The following KLHL8 variants were observed in gnomAD, a reference collection of about 807,000 sequenced individuals.
KLHL8 encodes kelch like family member 8.
Under a neutral mutation model 63.5 loss-of-function variants are expected in KLHL8, and 38 were observed. The ratio of observed to expected loss-of-function variants is 0.60; its 90% confidence interval spans 0.46 to 0.78. The LOEUF is 0.78. Among genes scored for constraint, KLHL8 ranks in the 30% least tolerant of loss-of-function variants. The probability of loss-of-function intolerance (pLI) is 0.00; values close to 1 mark genes in which losing one functional copy is unlikely to be tolerated. For synonymous variants in KLHL8, 224 were observed against 254.3 expected (o/e 0.88, Z 1.13); for missense variants, 566 against 752.4 (o/e 0.75, Z 2.90).
chr4:87,209,757 G>T (rs1417752848), intron 1 of KLHL8, among the ~76,000 whole-genome samples: 1 of 151,498 alleles, frequency 6.6e-6, no homozygotes, highest in Non-Finnish European at 1.5e-5. Context: ...ACTCTTTGCA[G>T]CACAGTGACT....
chr4:87,202,009 A>G (rs1011034667), intron 1 of KLHL8, among the ~76,000 whole-genome samples: 1 of 151,964 alleles, frequency 6.6e-6, no homozygotes, highest in Non-Finnish European at 1.5e-5. Context: ...TCTGAGGCTG[A>G]GGCAGGAGAA....
chr4:87,170,250 G>A lies in KLHL8; in HGVS notation c.1378-12C>T, dbSNP rs758503587. The A allele has an allele frequency of 3.7e-6, 6 of 1,600,600 alleles. No homozygotes were observed. Among genetic ancestry groups the A allele is most frequent in the Non-Finnish European group, 3.4e-6 (4 of 1,174,008 alleles). ...GCATAAACATGGTTCTAAATGAAGA[G>A]AGTCAAACAAAACACATTAGATTTC... is the stretch of plus-strand genomic sequence containing the variant. On this transcript the variant is annotated splice_polypyrimidine_tract_variant and intron_variant, in intron 7 of 9. Transcript: ENST00000273963.
At chr4:87,182,806 G>C (rs1731104501) in intron 4 of KLHL8, among the ~76,000 whole-genome samples, 2 of 152,086 alleles carry the variant, frequency 1.3e-5, no homozygotes, top group South Asian at 4.1e-4. Flanking sequence ...CAAATATTTA[G>C]ATGCACAATA....
At chr4:87,183,431 T>G (rs778467944) in intron 3 of KLHL8, 42 bp from the exon 4 acceptor site, 1 of 1,414,102 alleles carries the variant, frequency 7.1e-7, no homozygotes, top group Non-Finnish European at 9.5e-7. Flanking sequence ...TTTTATATTT[T>G]CTTGGGAAAA....
At chr4:87,239,722 A>T (rs1174198749) in intron 1 of KLHL8, among the ~76,000 whole-genome samples, 1 of 152,158 alleles carries the variant, frequency 6.6e-6, no homozygotes, top group Non-Finnish European at 1.5e-5. Context: ...TTGGGCTGAA[A>T]CTACCTACAT....
chr4:87,173,475 A>G (rs1279944640), intron 6 of KLHL8, among the ~76,000 whole-genome samples: 1 of 152,238 alleles, frequency 6.6e-6, no homozygotes, highest in African/African-American at 2.4e-5. Context: ...GGGTTTCAAC[A>G]GACTCATAGC....
intron 8 of KLHL8, among the ~76,000 whole-genome samples, 168 bp downstream of exon 8, chr4:87,169,911 T>C (rs920917267): frequency 2.0e-5 from 3 of 151,192 alleles, no homozygotes; most frequent in Admixed American, 1.3e-4. Flanking sequence ...AGACTGAACA[T>C]GTACAATTCT....
chr4:87,181,697 T>A (rs1290240641), intron 4 of KLHL8, among the ~76,000 whole-genome samples: 1 of 152,228 alleles, frequency 6.6e-6, no homozygotes, highest in East Asian at 1.9e-4. Flanking sequence ...ATTCTTAGTC[T>A]CCTCATCCTT....
At chr4:87,207,047 A>C (rs1578394426) in intron 1 of KLHL8, 1 of 402,962 alleles carries the variant, frequency 2.5e-6, no homozygotes, top group Admixed American at 3.1e-5. Context: ...TTTGACACAC[A>C]GCTGCATCTT....
chr4:87,192,601 C>A (rs1013457864), intron 2 of KLHL8, among the ~76,000 whole-genome samples: 6 of 152,154 alleles, frequency 3.9e-5, no homozygotes, highest in African/African-American at 1.2e-4. Context: ...TTATACTACA[C>A]ACGTAGGCTG....
At chr4:87,238,250 T>G (rs1177667746) in intron 1 of KLHL8, among the ~76,000 whole-genome samples, 3 of 152,216 alleles carry the variant, frequency 2.0e-5, no homozygotes. Context: ...TTATATTCCA[T>G]GCATTTCTTA....
chr4:87,167,256 G>A, intron 8 of KLHL8: 3 of 494,418 alleles, frequency 6.1e-6, no homozygotes, highest in Non-Finnish European at 1.2e-5. Flanking sequence ...TGTCATCCCA[G>A]GACAGGACCC....
chr4:87,185,136 A>T, intron 3 of KLHL8, 115 bp downstream of exon 3: 2 of 987,326 alleles, frequency 2.0e-6, no homozygotes, highest in East Asian at 2.6e-5. Context: ...ATTATTTATT[A>T]CATCAATAAT....
chr4:87,200,211 T>C (rs1210063502), intron 1 of KLHL8, among the ~76,000 whole-genome samples: 4 of 145,810 alleles, frequency 2.7e-5, no homozygotes, highest in Admixed American at 6.8e-5. Flanking sequence ...AAAGATGATA[T>C]ATAAATGGCC....
At chr4:87,181,314 G>T (rs150120276) in intron 4 of KLHL8, among the ~76,000 whole-genome samples, 1,734 of 151,894 alleles carry the variant, frequency 0.011, 39 homozygotes, top group African/African-American at 0.04. Context: ...GGCGTGGTGG[G>T]GCACACAAGA....
intron 4 of KLHL8, among the ~76,000 whole-genome samples, chr4:87,179,880 G>C (rs1730985617): frequency 6.6e-6 from 1 of 151,948 alleles, no homozygotes; most frequent in Non-Finnish European, 1.5e-5. Context: ...GAATCAGCTG[G>C]AGGGCATAAA....
At chr4:87,200,138 C>CAAAAAAAAAAAAAAAAAAAAAA (rs61605160) in intron 1 of KLHL8, among the ~76,000 whole-genome samples, 1 of 73,704 alleles carries the variant, frequency 1.4e-5, no homozygotes, top group Non-Finnish European at 2.5e-5. Flanking sequence ...GAGACTGCCT[C>CAAAAAAAAAAAAAAAAAAAAAA]AAAAAAAAAA....
intron 1 of KLHL8, among the ~76,000 whole-genome samples, chr4:87,206,921 T>C (rs931003234): frequency 5.9e-5 from 9 of 152,260 alleles, no homozygotes; most frequent in Non-Finnish European, 8.8e-5. Flanking sequence ...ACAATATCTA[T>C]GTATTTGCCG....
At chr4:87,226,917 AAT>A (rs1351021215) in intron 1 of KLHL8, among the ~76,000 whole-genome samples, 255 of 19,288 alleles carry the variant, frequency 0.013, 17 homozygotes, top group East Asian at 0.071. Context: ...ATATATAAAT[AAT>A]ATATATATTA....
Sources: gnomAD v4.1 joint callset for allele counts (sites outside exome capture counted in the v4.1 genomes callset) on GRCh38, gnomAD v4.1.1 for gene constraint, MANE v1.5 for transcripts, NCBI Gene and HGNC (gene_info 2026-07-23, HGNC 2026-07-21) for gene names.